The following TMCC2 variants were observed in gnomAD, a reference collection of about 807,000 sequenced individuals.
TMCC2 encodes the protein transmembrane and coiled-coil domain family 2, also known as transmembrane and coiled-coil domains protein 2.
TMCC2 carries 16 observed loss-of-function variants against 49.4 expected under a neutral mutation model. That is an observed-to-expected ratio of 0.32 (90% CI 0.22 to 0.49). The LOEUF is 0.49. Ranked by LOEUF, TMCC2 falls within the 20% of genes least tolerant of loss-of-function variation. TMCC2 has a pLI of 0.99. For synonymous variants in TMCC2, 397 were observed against 434.1 expected, an observed-to-expected ratio of 0.91 and a Z score of 1.06; for missense variants, 762 against 989.8, an observed-to-expected ratio of 0.77 and a Z score of 3.09.
chr1:205,229,049 A>G, intron 1 of TMCC2: 1 of 1,286,212 alleles, frequency 7.8e-7, no homozygotes, highest in Non-Finnish European at 9.9e-7. Flanking sequence ...GTGAAGTGTT[A>G]TTCGCAGACA....
intron 1 of TMCC2, among the ~76,000 whole-genome samples, chr1:205,234,707 T>C (rs61823973): frequency 1.9e-3 from 283 of 152,012 alleles, no homozygotes; most frequent in Non-Finnish European, 3.5e-3. Flanking sequence ...TGTCTCAGGC[T>C]GGAGTGCAGT....
In TMCC2 at chr1:205,228,502, G is replaced by GT. The variant is rs1379377685; in HGVS notation, c.-62dup. 1 of 1,431,628 alleles carries GT rather than the reference G, an allele frequency of 7.0e-7. No homozygotes were observed. The highest frequency in any genetic ancestry group is 2.0e-5 in the Admixed American group (1 of 50,352). The allele number at this position is 1,431,628 out of a possible 1,614,324, so 88.7% of individuals were successfully genotyped here. ...AGGCCTCATATGAATATAAGAGGGG[G>GT]TGCGGTCTTCCCCAAGACGGCGCGC... On this transcript the variant is annotated 5_prime_UTR_variant, in exon 1 of 5. Transcript: ENST00000358024.
At chr1:205,246,632 G>T (rs1660463081) in intron 2 of TMCC2, 2 of 1,550,408 alleles carry the variant, frequency 1.3e-6, no homozygotes, top group South Asian at 2.4e-5. Context: ...GAACCAGGTT[G>T]TTCAGCCCTT....
intron 1 of TMCC2, chr1:205,233,974 A>G (rs1034666191): frequency 6.6e-6 from 1 of 152,058 alleles, no homozygotes. Context: ...GAAGATATGT[A>G]CGTTCCCTGG....
At chr1:205,245,099 G>A (rs1271001137) in intron 2 of TMCC2, among the ~76,000 whole-genome samples, 2 of 152,192 alleles carry the variant, frequency 1.3e-5, no homozygotes, top group East Asian at 3.9e-4. Context: ...AGGGCAGCAG[G>A]TCTCTTTGAT....
At chr1:205,257,642 G>A (rs1023099071) in intron 2 of TMCC2, among the ~76,000 whole-genome samples, 1 of 152,220 alleles carries the variant, frequency 6.6e-6, no homozygotes, top group African/African-American at 2.4e-5. Flanking sequence ...CTGTGGCTAT[G>A]TGGCACTTCA....
intron 2 of TMCC2, among the ~76,000 whole-genome samples, chr1:205,257,844 A>G (rs1406717602): frequency 6.6e-6 from 1 of 152,194 alleles, no homozygotes; most frequent in Non-Finnish European, 1.5e-5. Context: ...GAGGATGGAC[A>G]ATGGAGAAGA....
chr1:205,232,494 G>T (rs1012418739), intron 1 of TMCC2, among the ~76,000 whole-genome samples: 1 of 152,182 alleles, frequency 6.6e-6, no homozygotes, highest in Admixed American at 6.5e-5. Flanking sequence ...AGGAGATGCT[G>T]GGGTTGCTAA....
At chr1:205,269,989 C>T in intron 3 of TMCC2, 105 bp downstream of exon 3, 2 of 1,160,856 alleles carry the variant, frequency 1.7e-6, no homozygotes, top group Non-Finnish European at 2.4e-6. Context: ...GGAGCATCCT[C>T]AGCCTCCTGG....
At chr1:205,260,099 C>CACA (rs1661044035) in intron 2 of TMCC2, among the ~76,000 whole-genome samples, 1 of 152,184 alleles carries the variant, frequency 6.6e-6, no homozygotes, top group African/African-American at 2.4e-5. Flanking sequence ...TCTCCCTCCA[C>CACA]GGTTCTCCTC....
chr1:205,233,850 C>T (rs1350021810), intron 1 of TMCC2: 3 of 151,402 alleles, frequency 2.0e-5, no homozygotes, highest in Non-Finnish European at 2.9e-5. Context: ...TTATAGGTCT[C>T]AGTTTCTCCT....
In TMCC2 at chr1:205,246,522, C is replaced by A. The variant is rs1011004632; in HGVS notation, c.747+4478C>A. On this transcript the variant is annotated intron_variant, in intron 2 of 4. Coordinates refer to ENST00000358024, the MANE Select transcript of TMCC2 (RefSeq NM_014858.4). ...GAACCATTTGCAAGCCTAGCCTCCA[C>A]TGGGGAGAAGTCTGTTCTCAGAGTG... 22 of 1,508,230 alleles carry A rather than the reference C, an allele frequency of 1.5e-5. No individual in the cohort carries two copies. The African/African-American group carries it at 1.8e-4, about 13-fold the overall frequency. 93.4% of individuals were successfully genotyped at this position (1,508,230 alleles called of 1,614,324 possible). A position where few individuals can be genotyped will look rare whatever the true frequency, so the allele number is the denominator to read the frequency against.
In TMCC2 at chr1:205,269,542, ACCC is replaced by A; in HGVS notation, c.1343_1345del (p.Pro448del). 1 of 1,613,328 alleles carries A rather than the reference ACCC, an allele frequency of 6.2e-7. No individual in the cohort carries two copies. Among genetic ancestry groups the A allele is most frequent in the African/African-American group, 1.3e-5 (1 of 74,956 alleles). On this transcript the variant is annotated inframe_deletion, in exon 3 of 5. Coordinates refer to ENST00000358024, the MANE Select transcript of TMCC2 (RefSeq NM_014858.4). ...GCTGACAACATCGCCCACCTGAAGGACCCCCTGGAAGATGGGCCCCCTGAGGAG... is the reference window on the plus strand; with the variant it reads ...GCTGACAACATCGCCCACCTGAAGGACCTGGAAGATGGGCCCCCTGAGGAG...
At chr1:205,271,059 T>TGTGGGAGAGA in intron 3 of TMCC2, 61 bp from the exon 4 acceptor site, 1 of 1,595,302 alleles carries the variant, frequency 6.3e-7, no homozygotes. Context: ...ATGAATCAAC[T>TGTGGGAGAGA]GTGGGAGAGA....
chr1:205,237,143 C>G (rs987176275), intron 1 of TMCC2, among the ~76,000 whole-genome samples: 6 of 152,102 alleles, frequency 3.9e-5, no homozygotes, highest in Admixed American at 6.5e-5. Flanking sequence ...TGAACAGTTG[C>G]AGCTGCCTAC....
At position 205,264,545 on chromosome 1, in the gene TMCC2, C is replaced by T. The variant is rs1251894718; in HGVS notation, c.748-4405C>T. On this transcript the variant is annotated intron_variant, in intron 2 of 4. Coordinates refer to ENST00000358024, the MANE Select transcript of TMCC2 (RefSeq NM_014858.4). The surrounding 1 kb of genome is among the most constrained non-coding windows in gnomAD (Gnocchi z 4.2). Reference sequence around the variant, plus strand: ...TGTTGCCCAGGCTGCAGTGCAGTGGCGTGATCTCGGTTCACTGCAAGCTCC... The same window carrying T: ...TGTTGCCCAGGCTGCAGTGCAGTGGTGTGATCTCGGTTCACTGCAAGCTCC... Among the ~76,000 whole-genome samples the T allele has an allele frequency of 3.3e-5, 5 of 151,322 alleles. 1 individual carries two copies. In the East Asian group the frequency reaches 7.8e-4, roughly 23 times the overall value.
intron 1 of TMCC2, chr1:205,229,249 C>G (rs1356071256): frequency 1.7e-6 from 1 of 595,480 alleles, no homozygotes; most frequent in Non-Finnish European, 2.1e-6. Flanking sequence ...AGTGCAGTGG[C>G]GCGATCTCGG....
At chr1:205,265,300 C>T (rs1177720) in intron 2 of TMCC2, among the ~76,000 whole-genome samples, 101,704 of 152,200 alleles carry the variant, frequency 0.67, 34,280 homozygotes, top group African/African-American at 0.76. Flanking sequence ...GCTTCAACTC[C>T]GCTTTTCCAT....
At chr1:205,239,078 C>T (rs1214055875) in intron 1 of TMCC2, among the ~76,000 whole-genome samples, 1 of 152,098 alleles carries the variant, frequency 6.6e-6, no homozygotes, top group Non-Finnish European at 1.5e-5. Flanking sequence ...TGCCTCAGAA[C>T]TCTAGGACCT....
Sources: gnomAD v4.1 joint callset for allele counts (sites outside exome capture counted in the v4.1 genomes callset) on GRCh38, gnomAD v4.1.1 for gene constraint, Gnocchi (gnomAD v3.1) non-coding constraint, MANE v1.5 for transcripts, NCBI Gene and HGNC (gene_info 2026-07-23, HGNC 2026-07-21) for gene names.